Variants in AGMO observed in about 807,000 individuals in gnomAD.
The protein encoded by AGMO is glyceryl-ether monooxygenase.
In AGMO, 75 loss-of-function variants were observed where a neutral mutation model predicts 60.2. The observed-to-expected ratio is 1.25, with a 90% CI of 1.03 to 1.51. AGMO has a LOEUF of 1.51. AGMO is among the 40% of genes most tolerant of loss of function. AGMO has a pLI of 0.00. For synonymous variants in AGMO, 261 were observed against 177.1 expected (o/e 1.47, Z -3.76); for missense variants, 763 against 525.5 (o/e 1.45, Z -4.42).
chr7:15,373,414 AC>A (rs1303046923), intron 10 of AGMO, among the ~76,000 whole-genome samples: 1 of 152,216 alleles, frequency 6.6e-6, no homozygotes. Flanking sequence ...GGAAAAAAAT[AC>A]TTAGGAAAAG....
intron 3 of AGMO, among the ~76,000 whole-genome samples, chr7:15,443,704 G>C (rs1435311404): frequency 1.3e-5 from 2 of 152,068 alleles, no homozygotes; most frequent in Non-Finnish European, 2.9e-5. Flanking sequence ...CCTACCACCT[G>C]ATTTGTACAT....
intron 12 of AGMO, among the ~76,000 whole-genome samples, chr7:15,345,241 T>G (rs1781989063): frequency 6.6e-6 from 1 of 152,200 alleles, no homozygotes; most frequent in Non-Finnish European, 1.5e-5. Context: ...CTTAGTAATT[T>G]TTCTAGTTTT....
intron 12 of AGMO, among the ~76,000 whole-genome samples, chr7:15,343,248 T>A (rs371770558): frequency 2.0e-5 from 3 of 152,152 alleles, no homozygotes; most frequent in South Asian, 4.1e-4. Flanking sequence ...TGTAGTAATA[T>A]CTTTAATAGA....
At chr7:15,490,774 T>G (rs903160620) in intron 3 of AGMO, among the ~76,000 whole-genome samples, 2 of 152,164 alleles carry the variant, frequency 1.3e-5, no homozygotes, top group Non-Finnish European at 2.9e-5. Flanking sequence ...CACCATTTCA[T>G]ATACAAAGTA....
chr7:15,448,916 G>GTT (rs1482377096), intron 3 of AGMO, among the ~76,000 whole-genome samples: 1 of 152,144 alleles, frequency 6.6e-6, no homozygotes, highest in East Asian at 1.9e-4. Flanking sequence ...TATTGTCACT[G>GTT]TTTTAAGGAA....
At position 15,452,575 on chromosome 7, in the gene AGMO, G is replaced by A. The variant is rs539990795; in HGVS notation, c.410-21467C>T. Among the ~76,000 whole-genome samples, 225 of 152,194 alleles carry A rather than the reference G, an allele frequency of 1.5e-3. 1 individual carries two copies. Among genetic ancestry groups the A allele is most frequent in the Non-Finnish European group, 2.5e-3 (169 of 68,006 alleles). On this transcript the variant is annotated intron_variant, in intron 3 of 12. Transcript: ENST00000342526. ...ATAAGATGGCTATAATAAAAAAGAT[G>A]GACAATATTAAATGTTAGTGAGGAT...
intron 12 of AGMO, among the ~76,000 whole-genome samples, chr7:15,291,554 A>C (rs1030930550): frequency 6.6e-6 from 1 of 152,194 alleles, no homozygotes; most frequent in Non-Finnish European, 1.5e-5. Flanking sequence ...ATAGTATCAT[A>C]ATCTTAAAAT....
At chr7:15,307,453 A>G (rs1583388799) in intron 12 of AGMO, among the ~76,000 whole-genome samples, 1 of 152,072 alleles carries the variant, frequency 6.6e-6, no homozygotes, top group South Asian at 2.1e-4. Flanking sequence ...TAAACTCTAA[A>G]AGAACAGGAC....
rs1212541932 is a variant in AGMO at position 15,529,544 on chromosome 7, C to CTA, written c.409+15226_409+15227dup. ...TCTTAGACTAGAATATATATATATT[C>CTA]TATATATATAGAATATATATTCTAT... is the stretch of plus-strand genomic sequence containing the variant. On this transcript the variant is annotated intron_variant, in intron 3 of 12. Transcript: ENST00000342526. Among the ~76,000 whole-genome samples the CTA allele has an allele frequency of 3.5e-4, 25 of 70,692 alleles. 1 individual carries two copies. The highest frequency in any genetic ancestry group is 1.3e-3 in the African/African-American group (25 of 19,858). 46.4% of individuals were successfully genotyped at this position (70,692 alleles called of 152,430 possible).
At chr7:15,431,583 C>T (rs1394483063) in intron 3 of AGMO, among the ~76,000 whole-genome samples, 2 of 151,820 alleles carry the variant, frequency 1.3e-5, no homozygotes, top group East Asian at 1.9e-4. Flanking sequence ...TTCCTCATGG[C>T]TTTCTGAGAA....
intron 12 of AGMO, among the ~76,000 whole-genome samples, chr7:15,322,934 G>A (rs12673918): frequency 0.76 from 110,177 of 144,552 alleles, 42,590 homozygotes; most frequent in African/African-American, 0.87. Context: ...GTTTACATAT[G>A]TGTGTGTGTG....
chr7:15,139,593 T>C, the AGMO span, among the ~76,000 whole-genome samples: 3 of 151,504 alleles, frequency 2.0e-5, no homozygotes, highest in Admixed American at 6.6e-5. Flanking sequence ...TAGCTCTCAA[T>C]TTTTTATTCT....
chr7:15,337,887 T>G (rs997498006), intron 12 of AGMO, among the ~76,000 whole-genome samples: 13 of 152,258 alleles, frequency 8.5e-5, no homozygotes, highest in African/African-American at 3.1e-4. Flanking sequence ...GAAGCTTCTC[T>G]CCAGTGGATT....
intron 12 of AGMO, among the ~76,000 whole-genome samples, chr7:15,330,208 CATCT>C (rs1043441374): frequency 6.6e-6 from 1 of 152,040 alleles, no homozygotes; most frequent in Admixed American, 6.6e-5. Flanking sequence ...GTAATACATC[CATCT>C]GCCAACCTAC....
chr7:15,400,456 T>G (rs891309798), intron 5 of AGMO, among the ~76,000 whole-genome samples: 7 of 152,114 alleles, frequency 4.6e-5, no homozygotes, highest in African/African-American at 1.7e-4. Context: ...GTTGAAGAAT[T>G]CTACTTTGTG....
intron 3 of AGMO, among the ~76,000 whole-genome samples, chr7:15,449,338 C>T (rs770162101): frequency 4.4e-5 from 1 of 22,868 alleles, no homozygotes; most frequent in African/African-American, 1.5e-4. Context: ...CTCTTTCTCT[C>T]TCTCTCTCTC....
chr7:15,519,354 G>A (rs1783914845), intron 3 of AGMO, among the ~76,000 whole-genome samples: 1 of 151,748 alleles, frequency 6.6e-6, no homozygotes. Flanking sequence ...ACACATAAAG[G>A]TCAGATTCAC....
intron 12 of AGMO, among the ~76,000 whole-genome samples, chr7:15,347,985 G>A (rs1337204445): frequency 9.9e-5 from 15 of 151,958 alleles, no homozygotes; most frequent in Admixed American, 9.8e-4. Flanking sequence ...ACTAAATATA[G>A]TTTACTCAGC....
At chr7:15,366,672 CATAT>C (rs569674232) in intron 10 of AGMO, among the ~76,000 whole-genome samples, 64 of 151,986 alleles carry the variant, frequency 4.2e-4, no homozygotes, top group African/African-American at 1.4e-3. Flanking sequence ...TGAGTGAAAA[CATAT>C]ATATAAAGGA....
Sources: allele counts gnomAD v4.1 joint callset (sites outside exome capture counted in the v4.1 genomes callset), GRCh38; gene constraint gnomAD v4.1.1; transcripts MANE v1.5; gene names NCBI Gene and HGNC (gene_info 2026-07-23, HGNC 2026-07-21).